SLC5A8: variants seen among roughly 807,000 people sequenced by gnomAD.
SLC5A8 encodes sodium-coupled monocarboxylate transporter 1.
SLC5A8 carries 55 observed loss-of-function variants against 71.9 expected under a neutral mutation model. The ratio of observed to expected loss-of-function variants is 0.77; its 90% CI spans 0.62 to 0.96. SLC5A8 has a LOEUF of 0.96. Among genes scored for constraint, SLC5A8 ranks in the 40% least tolerant of loss-of-function variants. The probability of loss-of-function intolerance (pLI) is 0.00; values close to 1 mark genes in which losing one functional copy is unlikely to be tolerated. For synonymous variants in SLC5A8, 307 were observed against 276.1 expected (o/e 1.11, Z -1.11); for missense variants, 701 against 745.3 (o/e 0.94, Z 0.69).
chr12:101,209,828 G>A lies in SLC5A8; in HGVS notation c.21C>T (p.Ile7=), dbSNP rs762775785. ...CGTAGTCCCACACCACGAAGGTGCC[G>A]ATGCCCCGTGGCGTGTCCATGGCCG... is the stretch of plus-strand genomic sequence containing the variant. MDTPRG[I]GTFVVWDYVV... Residue 7 remains isoleucine, a synonymous_variant, in exon 1 of 15, where the codon ATC becomes ATT. Coordinates refer to ENST00000536262, the MANE Select transcript of SLC5A8 (RefSeq NM_145913.5). 1.3e-5 allele frequency: 20 copies of A among 1,571,596 alleles called. No individual in the cohort carries two copies. The East Asian group carries it at 3.8e-4, about 30-fold the overall frequency.
At chr12:101,202,276 T>G (rs531195389) in intron 2 of SLC5A8, 61 bp from the exon 3 acceptor site, 828 of 1,379,992 alleles carry the variant, frequency 6.0e-4, no homozygotes, top group Non-Finnish European at 7.4e-4. Context: ...GAATTACGTC[T>G]GAGTTATAAA....
At chr12:101,193,218 C>A (rs891196450) in intron 5 of SLC5A8, among the ~76,000 whole-genome samples, 1 of 152,096 alleles carries the variant, frequency 6.6e-6, no homozygotes, top group Non-Finnish European at 1.5e-5. Context: ...GGTGATCCAC[C>A]CACCTTGGCC....
intron 9 of SLC5A8, 25 bp from the exon 10 acceptor site, chr12:101,180,121 T>C (rs577112044): frequency 1.9e-6 from 3 of 1,611,312 alleles, no homozygotes; most frequent in Non-Finnish European, 1.7e-6. Flanking sequence ...TAAAAGCCAG[T>C]GTAAAATCCA....
intron 5 of SLC5A8, among the ~76,000 whole-genome samples, chr12:101,191,234 C>T (rs1233598141): frequency 6.6e-6 from 1 of 152,060 alleles, no homozygotes; most frequent in African/African-American, 2.4e-5. Context: ...GTACATAAGT[C>T]CAAAACATTG....
chr12:101,169,950 T>C (rs2051812521), intron 10 of SLC5A8, among the ~76,000 whole-genome samples: 1 of 152,200 alleles, frequency 6.6e-6, no homozygotes, highest in Non-Finnish European at 1.5e-5. Flanking sequence ...TCTAGAAACA[T>C]TTAGCAGAAG....
chr12:101,190,714 A>C (rs1868868717), intron 5 of SLC5A8, 106 bp from the exon 6 acceptor site: 1 of 799,454 alleles, frequency 1.3e-6, no homozygotes, highest in Non-Finnish European at 1.8e-6. Flanking sequence ...TATACACAAC[A>C]CATACATAAA....
Position 101,202,145 on chromosome 12 carries a change from T to C in SLC5A8, c.469+19A>G. On this transcript the variant is annotated intron_variant, in intron 3 of 14. Coordinates refer to ENST00000536262, the MANE Select transcript of SLC5A8 (RefSeq NM_145913.5). ...AACCCCAAAATGTGAGTTACCTAACTGGCAACTCTAAAATGTACCTTGATT... is the reference window on the plus strand; with the variant it reads ...AACCCCAAAATGTGAGTTACCTAACCGGCAACTCTAAAATGTACCTTGATT... 1 of 1,610,712 alleles carries C rather than the reference T, an allele frequency of 6.2e-7. No individual in the cohort carries two copies. The highest frequency in any genetic ancestry group is 8.5e-7 in the Non-Finnish European group (1 of 1,177,888).
chr12:101,168,186 CA>C lies in SLC5A8; in HGVS notation c.1234-5del. 6.3e-7 allele frequency: 1 copy of C among 1,593,042 alleles called. No homozygotes were observed. Among genetic ancestry groups the C allele is most frequent in the Admixed American group, 1.8e-5 (1 of 56,078 alleles). Reference sequence around the variant, plus strand: ...TACCAAATACGCTGAGTGCTGCCTACAAAAATAATACAACGTCAGCAATTAG... The same window carrying C: ...TACCAAATACGCTGAGTGCTGCCTACAAAATAATACAACGTCAGCAATTAG... On this transcript the variant is annotated splice_polypyrimidine_tract_variant and splice_region_variant and intron_variant, in intron 10 of 14. Coordinates refer to ENST00000536262, the MANE Select transcript of SLC5A8 (RefSeq NM_145913.5).
intron 3 of SLC5A8, among the ~76,000 whole-genome samples, chr12:101,201,173 T>A (rs1869441433): frequency 6.6e-6 from 1 of 152,232 alleles, no homozygotes; most frequent in Admixed American, 6.5e-5. Context: ...AGGTAACTCA[T>A]GAAGTTTATA....
Position 101,187,458 on chromosome 12 carries a change from A to G in SLC5A8, c.891T>C (p.Cys297=), listed in dbSNP as rs749205854. Residue 297 remains cysteine, a synonymous_variant, in exon 7 of 15, where the codon TGT becomes TGC. Coordinates refer to ENST00000536262, the MANE Select transcript of SLC5A8 (RefSeq NM_145913.5). The part of the protein sequence containing the change: ...LWAILTCSVF[C]GLALYSRYHD... ...GGTACCTGGAATATAGGGCGAGCCC[A>G]CAAAACACTGAGCATGTGAGGATTG... 1 of 1,614,074 alleles carries G rather than the reference A, an allele frequency of 6.2e-7. No homozygotes were observed. The highest frequency in any genetic ancestry group is 8.5e-7 in the Non-Finnish European group (1 of 1,179,956).
At chr12:101,200,028 AAAAAAAAAAAAAAAAAAAAAAAAAAAG>A (rs780697497) in intron 3 of SLC5A8, among the ~76,000 whole-genome samples, 2,424 of 100,296 alleles carry the variant, frequency 0.024, 152 homozygotes, top group African/African-American at 0.089. Flanking sequence ...AAAAAAAAAA[AAAAAAAAAAAAAAAAAAAAAAAAAAAG>A]GGAATGAACT....
intron 3 of SLC5A8, among the ~76,000 whole-genome samples, chr12:101,197,266 T>C (rs1869223148): frequency 6.6e-6 from 1 of 152,242 alleles, no homozygotes; most frequent in Admixed American, 6.5e-5. Flanking sequence ...GTATTCCATC[T>C]AACTAATGAA....
intron 13 of SLC5A8, 100 bp downstream of exon 13, chr12:101,161,874 G>T (rs988499462): frequency 2.4e-6 from 2 of 842,778 alleles, no homozygotes; most frequent in Admixed American, 2.1e-5. Context: ...AAACTAGTTG[G>T]CAATAGGATC....
chr12:101,200,760 G>C (rs171235), intron 3 of SLC5A8, among the ~76,000 whole-genome samples: 17 of 151,988 alleles, frequency 1.1e-4, no homozygotes, highest in African/African-American at 3.9e-4. Context: ...AATGGACCAT[G>C]AGTTGATAAA....
intron 4 of SLC5A8, 105 bp from the exon 5 acceptor site, chr12:101,193,884 G>T: frequency 8.4e-7 from 1 of 1,183,756 alleles, no homozygotes; most frequent in Non-Finnish European, 1.2e-6. Flanking sequence ...CATGAATGTT[G>T]GCTAAGAAGT....
intron 10 of SLC5A8, among the ~76,000 whole-genome samples, chr12:101,177,455 ACACACACACACACACACACACACG>A (rs2051890463): frequency 1.3e-5 from 2 of 151,396 alleles, no homozygotes; most frequent in Admixed American, 6.6e-5. Context: ...ACACACACAC[ACACACACACACACACACACACACG>A]CATGCATGCA....
intron 9 of SLC5A8, among the ~76,000 whole-genome samples, chr12:101,180,338 T>C (rs370145188): frequency 2.4e-4 from 37 of 152,322 alleles, no homozygotes; most frequent in African/African-American, 8.9e-4. Flanking sequence ...GTTATATAAG[T>C]AAAGAGTTCC....
Position 101,209,580 on chromosome 12 carries a change from A to G in SLC5A8, c.269T>C (p.Phe90Ser), listed in dbSNP as rs1256700123. The part of the protein sequence containing the change: ...RFGAIFSIFA[F>S]TYFFVVVISA... Reference sequence around the variant, plus strand: ...GATGACCACCACAAAGAAGTAGGTGAAGGCAAAGATGCTAAAAATGGCCCC... The same window carrying G: ...GATGACCACCACAAAGAAGTAGGTGGAGGCAAAGATGCTAAAAATGGCCCC... The change falls in exon 1 of 15, where the codon TTC (phenylalanine) becomes TCC (serine). Residue 90 changes from phenylalanine to serine, a missense_variant. Phe to Ser is a radical substitution (Grantham distance 155). Coordinates refer to ENST00000536262, the MANE Select transcript of SLC5A8 (RefSeq NM_145913.5). 1 of 1,613,786 alleles carries G rather than the reference A, an allele frequency of 6.2e-7. No individual in the cohort carries two copies. The highest frequency in any genetic ancestry group is 1.3e-5 in the African/African-American group (1 of 74,892).
intron 6 of SLC5A8, 27 bp downstream of exon 6, chr12:101,190,440 GA>G (rs1478504707): frequency 6.3e-7 from 1 of 1,597,156 alleles, no homozygotes; most frequent in Non-Finnish European, 8.5e-7. Context: ...GGTTATTAAT[GA>G]TTCATATACC....
Sources: allele counts gnomAD v4.1 joint callset (sites outside exome capture counted in the v4.1 genomes callset), GRCh38; gene constraint gnomAD v4.1.1; transcripts MANE v1.5; gene names NCBI Gene and HGNC (gene_info 2026-07-23, HGNC 2026-07-21).